RBFOX1: variants seen among roughly 807,000 people sequenced by gnomAD.
RBFOX1 encodes the protein RNA binding protein fox-1 homolog 1.
A neutral mutation model predicts 57.7 loss-of-function variants in RBFOX1; 8 were observed. The ratio of observed to expected loss-of-function variants is 0.14; its 90% CI spans 0.08 to 0.25. The LOEUF is 0.25. RBFOX1 is among the 10% of genes least tolerant of loss of function. The probability of loss-of-function intolerance (pLI) is 1.00; values close to 1 mark genes in which losing one functional copy is unlikely to be tolerated. For missense variants in RBFOX1, 611 were observed against 548.5 expected (o/e 1.11, Z -1.14); for synonymous variants, 326 against 222.4 (o/e 1.47, Z -4.15).
At chr16:7,234,459 C>A (rs1436712560) in intron 4 of RBFOX1, among the ~76,000 whole-genome samples, 2 of 151,974 alleles carry the variant, frequency 1.3e-5, no homozygotes, top group African/African-American at 4.8e-5. Flanking sequence ...AAAATAAGCT[C>A]CCTCATCAGT....
intron 4 of RBFOX1, among the ~76,000 whole-genome samples, chr16:7,472,118 A>T (rs960791656): frequency 1.3e-5 from 2 of 152,202 alleles, no homozygotes; most frequent in Admixed American, 6.5e-5. Flanking sequence ...AAAATCGAAG[A>T]ATATATAACA....
intron 3 of RBFOX1, among the ~76,000 whole-genome samples, chr16:7,001,094 G>C (rs1035786990): frequency 6.6e-6 from 1 of 152,158 alleles, no homozygotes; most frequent in Non-Finnish European, 1.5e-5. Context: ...TAGAGTTCAT[G>C]TGAGAAAAAT....
intron 3 of RBFOX1, among the ~76,000 whole-genome samples, chr16:6,672,255 G>C (rs764669998): frequency 4.6e-5 from 7 of 152,022 alleles, no homozygotes; most frequent in Non-Finnish European, 8.8e-5. Context: ...ATAACGCTTA[G>C]AGTCCATTGG....
intron 4 of RBFOX1, among the ~76,000 whole-genome samples, chr16:7,385,695 C>A: frequency 6.6e-6 from 1 of 152,078 alleles, no homozygotes; most frequent in Admixed American, 6.6e-5. Flanking sequence ...CAGATGACAT[C>A]TCAAGAGGTG....
chr16:6,635,848 C>T (rs1029223095), intron 2 of RBFOX1, among the ~76,000 whole-genome samples: 1 of 152,042 alleles, frequency 6.6e-6, no homozygotes, highest in Non-Finnish European at 1.5e-5. Context: ...TCTGACTATT[C>T]CTTTTATTCA....
At chr16:6,384,817 C>A (rs2092128515) in intron 2 of RBFOX1, among the ~76,000 whole-genome samples, 1 of 152,218 alleles carries the variant, frequency 6.6e-6, no homozygotes, top group South Asian at 2.1e-4. Context: ...CTAGTCACAT[C>A]ATGGAGCTCT....
intron 3 of RBFOX1, among the ~76,000 whole-genome samples, chr16:5,825,755 GAATAAGGAATAATATTCC>G (rs2056017662): frequency 1.4e-5 from 2 of 147,204 alleles, no homozygotes; most frequent in African/African-American, 5.0e-5. Flanking sequence ...TCCTTAATAT[GAATAAGGAATAATATTCC>G]TTAATATGAA....
chr16:5,589,106 C>T (rs1003970309), intron 2 of RBFOX1, among the ~76,000 whole-genome samples: 6 of 152,122 alleles, frequency 3.9e-5, no homozygotes, highest in Non-Finnish European at 7.3e-5. Context: ...GAAACCGCCT[C>T]CTTATGGGAG....
rs993686586 is a variant in RBFOX1 at position 7,543,681 on chromosome 16, G to C, written c.270+25292G>C. Among the ~76,000 whole-genome samples the C allele has an allele frequency of 9.5e-5, 7 of 73,354 alleles. No homozygotes were observed. In the South Asian group the frequency reaches 1.6e-3, roughly 17 times the overall value. The allele number at this position is 73,354 out of a possible 152,430, so 48.1% of individuals were successfully genotyped here. On this transcript the variant is annotated intron_variant, in intron 5 of 15. Coordinates refer to ENST00000550418, the MANE Select transcript of RBFOX1 (RefSeq NM_018723.4). ...CTGGGCAGTATCTGTGTGTGTGTGT[G>C]TGTGTGTGTGTGTGTGTGTGTGTGT...
In RBFOX1 at chr16:6,457,441, C is replaced by CCCCG. The variant is rs769708565; in HGVS notation, c.-64+140387_-64+140388insGCCC. ...GGTGACTGTGAATTTCCGGAAGTCC[C>CCCCG]CCCCCCCGCAATAGCTTTGATTTGA... On this transcript the variant is annotated intron_variant, in intron 2 of 15. Transcript: ENST00000550418. Among the ~76,000 whole-genome samples, 6 of 67,688 alleles carry CCCCG rather than the reference C, an allele frequency of 8.9e-5. 2 individuals are homozygous for CCCCG. Among genetic ancestry groups the CCCCG allele is most frequent in the Non-Finnish European group, 9.0e-5 (3 of 33,508 alleles). The allele number at this position is 67,688 out of a possible 152,430, so 44.4% of individuals were successfully genotyped here.
intron 5 of RBFOX1, among the ~76,000 whole-genome samples, chr16:7,533,710 T>C (rs1008062784): frequency 3.3e-5 from 5 of 152,232 alleles, no homozygotes; most frequent in Non-Finnish European, 7.3e-5. Flanking sequence ...GTATGGGCAC[T>C]CAAAGCATGA....
rs74012708 is a variant in RBFOX1, at chr16:7,180,778, C to G, written c.27+128680C>G. On this transcript the variant is annotated intron_variant, in intron 4 of 15. Coordinates refer to ENST00000550418, the MANE Select transcript of RBFOX1 (RefSeq NM_018723.4). ...GTGAAAATATTTAGGCAAAATATTACCACAGGGAAAGTTTATTTTAAGCAT... is the reference window on the plus strand; with the variant it reads ...GTGAAAATATTTAGGCAAAATATTAGCACAGGGAAAGTTTATTTTAAGCAT... 1.7e-3 allele frequency among the ~76,000 whole-genome samples: 253 copies of G among 150,736 alleles called. 3 individuals are homozygous for G. The highest frequency in any genetic ancestry group is 4.2e-3 in the Admixed American group (63 of 15,140).
intron 3 of RBFOX1, among the ~76,000 whole-genome samples, chr16:6,868,926 T>A (rs2060401719): frequency 6.6e-6 from 1 of 152,190 alleles, no homozygotes; most frequent in African/African-American, 2.4e-5. Context: ...AGTTACCACA[T>A]TTTCTAGCCC....
intron 3 of RBFOX1, among the ~76,000 whole-genome samples, chr16:6,922,934 A>G (rs1479313199): frequency 6.6e-6 from 1 of 152,130 alleles, no homozygotes; most frequent in Non-Finnish European, 1.5e-5. Context: ...GCCATTTTTG[A>G]TAATGACCAA....
chr16:7,038,407 G>A (rs1338985583), intron 3 of RBFOX1, among the ~76,000 whole-genome samples: 1 of 152,142 alleles, frequency 6.6e-6, no homozygotes, highest in African/African-American at 2.4e-5. Context: ...AACTGCAATT[G>A]TTTTCTCCAG....
intron 2 of RBFOX1, among the ~76,000 whole-genome samples, chr16:6,380,269 A>T (rs2091656458): frequency 6.6e-6 from 1 of 152,040 alleles, no homozygotes; most frequent in South Asian, 2.1e-4. Flanking sequence ...GAAGAAAACA[A>T]TCCAATGGGA....
chr16:5,652,076 G>C (rs775057226), intron 3 of RBFOX1, among the ~76,000 whole-genome samples: 12 of 152,254 alleles, frequency 7.9e-5, no homozygotes, highest in Non-Finnish European at 1.6e-4. Context: ...AGAGGTTCTA[G>C]TGAGCCAAGA....
chr16:7,138,811 C>A (rs1483392073), intron 4 of RBFOX1, among the ~76,000 whole-genome samples: 1 of 152,174 alleles, frequency 6.6e-6, no homozygotes, highest in Middle Eastern at 3.4e-3. Context: ...GCTGGATAAA[C>A]TCAGACTTTT....
At chr16:5,930,821 GTTGC>G (rs1217729384) in intron 4 of RBFOX1, among the ~76,000 whole-genome samples, 12 of 144,560 alleles carry the variant, frequency 8.3e-5, no homozygotes, top group East Asian at 6.4e-4. Flanking sequence ...AGGGTGGATG[GTTGC>G]ATGGATGGAT....
Sources: allele counts gnomAD v4.1 joint callset (sites outside exome capture counted in the v4.1 genomes callset), GRCh38; gene constraint gnomAD v4.1.1; transcripts MANE v1.5; gene names NCBI Gene and HGNC (gene_info 2026-07-23, HGNC 2026-07-21).